The following HDLBP variants were observed in gnomAD, a reference collection of about 807,000 sequenced individuals.
The protein encoded by HDLBP is high density lipoprotein binding protein.
In HDLBP, 30 loss-of-function variants were observed where a neutral mutation model predicts 137.3. That is an observed-to-expected ratio of 0.22 (90% CI 0.16 to 0.30). The LOEUF (loss-of-function observed/expected upper bound fraction) is 0.30, where lower values mean the gene tolerates loss of function less well. Among genes scored for constraint, HDLBP ranks in the 10% least tolerant of loss-of-function variants. The probability of loss-of-function intolerance (pLI) is 1.00; values close to 1 mark genes in which losing one functional copy is unlikely to be tolerated. For synonymous variants in HDLBP, 606 were observed against 596.0 expected, an observed-to-expected ratio of 1.02 and a Z score of -0.24; for missense variants, 1,119 against 1,667.3, an observed-to-expected ratio of 0.67 and a Z score of 5.73.
At chr2:241,266,716 G>C in intron 3 of HDLBP, 78 bp downstream of exon 3, 1 of 958,710 alleles carries the variant, frequency 1.0e-6, no homozygotes, top group Non-Finnish European at 1.7e-6. Flanking sequence ...TTCTAGAAAG[G>C]GCATGGGATT....
chr2:241,244,025 C>T (rs1240934654), intron 16 of HDLBP, among the ~76,000 whole-genome samples: 3 of 152,008 alleles, frequency 2.0e-5, no homozygotes, highest in African/African-American at 7.3e-5. Context: ...AAAGACTGAA[C>T]ATGTTAAGAA....
chr2:241,272,055 T>G lies in HDLBP; in HGVS notation c.-102-3514A>C, dbSNP rs1574991399. On this transcript the variant is annotated intron_variant, in intron 1 of 27. Transcript: ENST00000310931. The surrounding 1 kb of genome is among the most constrained non-coding windows in gnomAD (Gnocchi z 5.6). Reference sequence around the variant, plus strand: ...CAGCAACCCCTCGGCCTCCCCGCCTTTCATCCAAATTCGGTACTTTTCCGT... The same window carrying G: ...CAGCAACCCCTCGGCCTCCCCGCCTGTCATCCAAATTCGGTACTTTTCCGT... 2 of 402,742 alleles carry G rather than the reference T, an allele frequency of 5.0e-6. No homozygotes were observed. The highest frequency in any genetic ancestry group is 3.4e-6 in the Non-Finnish European group (1 of 296,968). The allele number at this position is 402,742 out of a possible 1,614,324, so 24.9% of individuals were successfully genotyped here. A position where few individuals can be genotyped will look rare whatever the true frequency, so the allele number is the denominator to read the frequency against.
intron 9 of HDLBP, 48 bp downstream of exon 9, chr2:241,255,003 C>G: frequency 1.4e-6 from 2 of 1,388,200 alleles, no homozygotes; most frequent in African/African-American, 1.4e-5. Flanking sequence ...AACAGAAAGA[C>G]AGAAAACAAG....
chr2:241,314,364 G>C (rs922079133), intron 1 of HDLBP, among the ~76,000 whole-genome samples: 1 of 152,146 alleles, frequency 6.6e-6, no homozygotes, highest in Non-Finnish European at 1.5e-5. Context: ...AGGAGCCTTA[G>C]ACAAAACCCT....
At chr2:241,302,347 CA>C (rs1359592029) in intron 1 of HDLBP, among the ~76,000 whole-genome samples, 2 of 151,934 alleles carry the variant, frequency 1.3e-5, no homozygotes, top group Non-Finnish European at 2.9e-5. Context: ...GACTTGAGTC[CA>C]GGAGTACAAG....
chr2:241,283,635 C>T (rs1271131640), intron 1 of HDLBP, among the ~76,000 whole-genome samples: 15 of 150,818 alleles, frequency 9.9e-5, no homozygotes, highest in African/African-American at 3.1e-4. Context: ...CCACCACGCC[C>T]GGCTAATTTT....
intron 4 of HDLBP, among the ~76,000 whole-genome samples, chr2:241,263,785 C>T (rs975248138): frequency 6.6e-6 from 1 of 152,122 alleles, no homozygotes; most frequent in Non-Finnish European, 1.5e-5. Context: ...TTAACCTCTT[C>T]GAGAAAGCAG....
intron 1 of HDLBP, among the ~76,000 whole-genome samples, chr2:241,292,540 T>C (rs1009700635): frequency 1.4e-4 from 21 of 152,184 alleles, no homozygotes; most frequent in Non-Finnish European, 2.9e-4. Context: ...TATTAGATAA[T>C]ATTAATGAGC....
At chr2:241,253,116 G>A in intron 10 of HDLBP, 81 bp from the exon 11 acceptor site, 1 of 1,048,126 alleles carries the variant, frequency 9.5e-7, no homozygotes, top group Non-Finnish European at 1.5e-6. Flanking sequence ...AGTCTCCACG[G>A]TTGCCTTTTC....
At position 241,242,542 on chromosome 2, in the gene HDLBP, C is replaced by T. The variant is rs751452385; in HGVS notation, c.2087G>A (p.Gly696Glu). ...VHIHFPVEGS[G>E]SDTVVIRGPS... is the part of the protein sequence containing the mutation. ...GCCCCTGATAACAACGGTGTCGCTTCCTGAACCTTCCACGGGAAAGTGAAT... is the reference window on the plus strand; with the variant it reads ...GCCCCTGATAACAACGGTGTCGCTTTCTGAACCTTCCACGGGAAAGTGAAT... Residue 696 changes from glycine to glutamate, a missense_variant, in exon 17 of 28, where the codon GGA becomes GAA. By Grantham distance (98) the Gly-to-Glu change is moderately conservative (BLOSUM62 -2). Coordinates refer to ENST00000310931, the MANE Select transcript of HDLBP (RefSeq NM_005336.6). 66 of 1,614,048 alleles carry T rather than the reference C, an allele frequency of 4.1e-5. No homozygotes were observed. Among genetic ancestry groups the T allele is most frequent in the African/African-American group, 5.3e-5 (4 of 74,914 alleles).
intron 1 of HDLBP, among the ~76,000 whole-genome samples, chr2:241,280,918 T>C (rs2074571478): frequency 6.6e-6 from 1 of 152,332 alleles, no homozygotes; most frequent in East Asian, 1.9e-4. Context: ...TCCACTAAAT[T>C]AATACATTTA....
chr2:241,252,896 G>T, intron 11 of HDLBP, 61 bp downstream of exon 11: 1 of 1,146,704 alleles, frequency 8.7e-7, no homozygotes, highest in Non-Finnish European at 1.3e-6. Flanking sequence ...TCTCACAGCT[G>T]ACACCCCCCA....
Position 241,236,983 on chromosome 2 carries a change from G to GCC in HDLBP, c.2750-215_2750-214insGG, listed in dbSNP as rs1559482488. The stretch of plus-strand genomic sequence containing the variant: ...AAAGAGGGCTCCCAGACCTTGGGGG[G>GCC]GGGGGGGGGGGCGGCAATGAAGGCT... On this transcript the variant is annotated intron_variant, in intron 20 of 27. Transcript: ENST00000310931. Among the ~76,000 whole-genome samples the GCC allele has an allele frequency of 5.6e-5, 6 of 107,314 alleles. No homozygotes were observed. The East Asian group carries it at 8.3e-4, about 15-fold the overall frequency. 70.4% of individuals were successfully genotyped at this position (107,314 alleles called of 152,430 possible).
In HDLBP at chr2:241,267,043, C is replaced by A. The variant is rs553646783; in HGVS notation, c.-37-137G>T. On this transcript the variant is annotated intron_variant, in intron 2 of 27. Transcript: ENST00000310931. ...TACCTTTTTATTTTCCTCACAACCT[C>A]TGATGTAAGCTGATACCCAAACTCT... is the stretch of plus-strand genomic sequence containing the variant. 6 of 644,736 alleles carry A rather than the reference C, an allele frequency of 9.3e-6. No individual in the cohort carries two copies. The East Asian group carries it at 1.6e-4, about 17-fold the overall frequency. The allele number at this position is 644,736 out of a possible 1,614,324, so 39.9% of individuals were successfully genotyped here.
chr2:241,284,470 G>A (rs2074730317), intron 1 of HDLBP, among the ~76,000 whole-genome samples: 1 of 152,242 alleles, frequency 6.6e-6, no homozygotes, highest in African/African-American at 2.4e-5. Context: ...TGGATGAGCA[G>A]AGAAAGTGGT....
intron 1 of HDLBP, among the ~76,000 whole-genome samples, chr2:241,300,200 A>ATT (rs1342310800): frequency 1.3e-5 from 2 of 151,500 alleles, no homozygotes; most frequent in Non-Finnish European, 2.9e-5. Flanking sequence ...CACATGGGGA[A>ATT]CTCCCCCCAC....
At position 241,230,683 on chromosome 2, in the gene HDLBP, C is replaced by T; in HGVS notation, c.3474+76G>A. 3.1e-6 allele frequency: 4 copies of T among 1,288,554 alleles called. No homozygotes were observed. The highest frequency in any genetic ancestry group is 4.4e-6 in the Non-Finnish European group (4 of 905,470). The allele number at this position is 1,288,554 out of a possible 1,614,324, so 79.8% of individuals were successfully genotyped here. On this transcript the variant is annotated intron_variant, in intron 25 of 27. Transcript: ENST00000310931. This position sits in a 1 kb window ranked among gnomAD's most constrained non-coding sequence, Gnocchi z 5.0. Reference sequence around the variant, plus strand: ...CATCATCTTGAGGGGAAGGCCATGCCCTGCTCTTTCTTCTGGCCAGCCAGG... The same window carrying T: ...CATCATCTTGAGGGGAAGGCCATGCTCTGCTCTTTCTTCTGGCCAGCCAGG...
Position 241,228,159 on chromosome 2 carries a change from T to C in HDLBP, c.*1442A>G, listed in dbSNP as rs758108556. On this transcript the variant is annotated 3_prime_UTR_variant, in exon 28 of 28. Coordinates refer to ENST00000310931, the MANE Select transcript of HDLBP (RefSeq NM_005336.6). The stretch of plus-strand genomic sequence containing the variant: ...CTGTCCCCAGGGAAGGGCTGTGAGA[T>C]GGATGGGCGTGAGTCAGCTTTTCCA... 2.6e-5 allele frequency: 4 copies of C among 152,284 alleles called. No homozygotes were observed. Among genetic ancestry groups the C allele is most frequent in the African/African-American group, 9.7e-5 (4 of 41,450 alleles). 9.4% of individuals were successfully genotyped at this position (152,284 alleles called of 1,614,324 possible).
At chr2:241,264,073 TAA>T (rs1240544250) in intron 4 of HDLBP, among the ~76,000 whole-genome samples, 1 of 137,920 alleles carries the variant, frequency 7.3e-6, no homozygotes, top group Non-Finnish European at 1.7e-5. Context: ...TTTAAAAATT[TAA>T]AAAACTGGCC....
Sources: allele counts gnomAD v4.1 joint callset (sites outside exome capture counted in the v4.1 genomes callset), GRCh38; gene constraint gnomAD v4.1.1; non-coding constraint Gnocchi (gnomAD v3.1); transcripts MANE v1.5; gene names NCBI Gene and HGNC (gene_info 2026-07-23, HGNC 2026-07-21).